The following UBE2D4 variants were observed in gnomAD, a reference collection of about 807,000 sequenced individuals.
The protein encoded by UBE2D4 is ubiquitin-conjugating enzyme E2 D4.
In UBE2D4, 17 loss-of-function variants were observed where a neutral mutation model predicts 23.0. The ratio of observed to expected loss-of-function variants is 0.74; its 90% CI spans 0.51 to 1.11. UBE2D4 has a LOEUF of 1.11. Ranked by LOEUF, UBE2D4 falls within the 50% of genes least tolerant of loss-of-function variation. The probability of loss-of-function intolerance (pLI) is 0.00; values close to 1 mark genes in which losing one functional copy is unlikely to be tolerated. For synonymous variants in UBE2D4, 61 were observed against 69.4 expected (o/e 0.88, Z 0.60); for missense variants, 139 against 181.8 (o/e 0.76, Z 1.35).
intron 1 of UBE2D4, among the ~76,000 whole-genome samples, chr7:43,928,776 GGT>G (rs1038107168): frequency 6.6e-6 from 1 of 152,170 alleles, no homozygotes; most frequent in African/African-American, 2.4e-5. Flanking sequence ...AGTGGATGGT[GGT>G]GTCAGTGTCT....
At chr7:43,932,984 GTATATATATATATATA>G (rs57093593) in intron 1 of UBE2D4, among the ~76,000 whole-genome samples, 4 of 85,794 alleles carry the variant, frequency 4.7e-5, no homozygotes, top group Non-Finnish European at 9.4e-5. Context: ...AAATGTTAAA[GTATATATATATATATA>G]TATATATATA....
intron 1 of UBE2D4, among the ~76,000 whole-genome samples, chr7:43,938,204 C>T (rs558628580): frequency 6.6e-6 from 1 of 152,258 alleles, no homozygotes; most frequent in South Asian, 2.1e-4. Context: ...GTAACTTCAT[C>T]ACTTTACAAT....
intron 1 of UBE2D4, among the ~76,000 whole-genome samples, chr7:43,932,779 C>T (rs1028562623): frequency 2.0e-5 from 3 of 150,142 alleles, no homozygotes; most frequent in Non-Finnish European, 3.0e-5. Context: ...GGTGACAGAG[C>T]GAAATCCTGT....
At chr7:43,937,520 A>G (rs185216912) in intron 1 of UBE2D4, among the ~76,000 whole-genome samples, 9 of 152,340 alleles carry the variant, frequency 5.9e-5, no homozygotes, top group Admixed American at 5.2e-4. Context: ...GGGTTCAGAT[A>G]TATTAGATAC....
intron 5 of UBE2D4, 30 bp from the exon 6 acceptor site, chr7:43,950,569 C>T (rs371802361): frequency 5.0e-6 from 8 of 1,600,106 alleles, no homozygotes; most frequent in Non-Finnish European, 6.9e-6. Flanking sequence ...TTCGTGGCTA[C>T]AGCTGACCAA....
At chr7:43,940,141 T>A (rs1283030434) in intron 2 of UBE2D4, among the ~76,000 whole-genome samples, 1 of 152,204 alleles carries the variant, frequency 6.6e-6, no homozygotes, top group Non-Finnish European at 1.5e-5. Context: ...GGTAGGCAGA[T>A]GGAGCCACTG....
intron 4 of UBE2D4, among the ~76,000 whole-genome samples, chr7:43,948,137 T>C (rs1448250036): frequency 6.6e-6 from 1 of 152,254 alleles, no homozygotes; most frequent in Non-Finnish European, 1.5e-5. Flanking sequence ...TCCCATTCTG[T>C]CGGTTGCCTG....
rs1381512435 is a variant in UBE2D4, at chr7:43,955,727, C to T, written c.*3032C>T. The T allele has an allele frequency of 6.6e-6, 1 of 152,224 alleles. No individual in the cohort carries two copies. The highest frequency in any genetic ancestry group is 1.5e-5 in the Non-Finnish European group (1 of 68,078). 9.4% of individuals were successfully genotyped at this position (152,224 alleles called of 1,614,324 possible). A position where few individuals can be genotyped will look rare whatever the true frequency, so the allele number is the denominator to read the frequency against. On this transcript the variant is annotated 3_prime_UTR_variant, in exon 7 of 7. Coordinates refer to ENST00000222402, the MANE Select transcript of UBE2D4 (RefSeq NM_015983.4). ...GGCAGAGAAGGAACCCTAAGATTAGCATAGAGCCACTCATCTCTCCTCCCC... is the reference window on the plus strand; with the variant it reads ...GGCAGAGAAGGAACCCTAAGATTAGTATAGAGCCACTCATCTCTCCTCCCC...
At position 43,943,023 on chromosome 7, in the gene UBE2D4, C is replaced by T. The variant is rs79518934; in HGVS notation, c.190C>T (p.Pro64Ser). The change falls in exon 4 of 7, where the codon CCC (proline) becomes TCC (serine). Residue 64 changes from proline (P) to serine (S), a missense_variant. By Grantham distance (74) the Pro-to-Ser change is moderately conservative (BLOSUM62 -1). Coordinates refer to ENST00000222402, the MANE Select transcript of UBE2D4 (RefSeq NM_015983.4). ...IHFPTDYPFK[P>S]PKVAFTTKIY... ...CTTTCCTACAGATTACCCGTTCAAGCCCCCAAAGGTGAGGTCCCTCTCCCA... is the reference window on the plus strand; with the variant it reads ...CTTTCCTACAGATTACCCGTTCAAGTCCCCAAAGGTGAGGTCCCTCTCCCA... 1.9e-6 allele frequency: 3 copies of T among 1,614,134 alleles called. No homozygotes were observed. The highest frequency in any genetic ancestry group is 1.6e-4 in the Middle Eastern group (1 of 6,062).
In UBE2D4 at chr7:43,938,436, A is replaced by T; in HGVS notation, c.30A>T (p.Leu10Phe). Residue 10 changes from leucine to phenylalanine, a missense_variant, in exon 2 of 7, where the codon TTA becomes TTT. Transcript: ENST00000222402. MALKRIQKELTDLQRDPPAQ... is the reference protein window; with the variant it reads MALKRIQKEFTDLQRDPPAQ... ...CCCACTCTCTCATGTTCTAGGAATT[A>T]ACCGACTTGCAGAGGGATCCTCCTG... 2 of 1,614,098 alleles carry T rather than the reference A, an allele frequency of 1.2e-6. No homozygotes were observed. The highest frequency in any genetic ancestry group is 1.7e-6 in the Non-Finnish European group (2 of 1,179,982).
At chr7:43,948,187 T>G (rs2095992726) in intron 4 of UBE2D4, among the ~76,000 whole-genome samples, 2 of 152,252 alleles carry the variant, frequency 1.3e-5, no homozygotes, top group African/African-American at 4.8e-5. Flanking sequence ...GCAGAAGCTC[T>G]TTAGTTTAGT....
At chr7:43,938,910 C>T (rs2095964632) in intron 2 of UBE2D4, among the ~76,000 whole-genome samples, 1 of 152,196 alleles carries the variant, frequency 6.6e-6, no homozygotes, top group Admixed American at 6.5e-5. Context: ...AATGCTTTTC[C>T]CTTCATTTTC....
intron 1 of UBE2D4, among the ~76,000 whole-genome samples, chr7:43,931,126 A>G (rs1289073341): frequency 3.9e-5 from 6 of 151,956 alleles, no homozygotes; most frequent in Non-Finnish European, 5.9e-5. Flanking sequence ...GTCTCAAAAA[A>G]AAAAAAAAGA....
At chr7:43,934,804 G>A (rs1416175161) in intron 1 of UBE2D4, among the ~76,000 whole-genome samples, 2 of 152,136 alleles carry the variant, frequency 1.3e-5, no homozygotes, top group African/African-American at 4.8e-5. Context: ...AAAGAAAAAT[G>A]CTGGTCACGT....
chr7:43,939,031 C>T (rs1013155168), intron 2 of UBE2D4, among the ~76,000 whole-genome samples: 5 of 152,250 alleles, frequency 3.3e-5, no homozygotes, highest in African/African-American at 1.2e-4. Flanking sequence ...ATAGTCACCG[C>T]TTCCCTCTTC....
chr7:43,932,744 G>A (rs2095948630), intron 1 of UBE2D4, among the ~76,000 whole-genome samples: 1 of 151,856 alleles, frequency 6.6e-6, no homozygotes, highest in African/African-American at 2.4e-5. Flanking sequence ...AGTGAACCAA[G>A]ATGGCGCCAC....
chr7:43,953,315 G>A lies in UBE2D4; in HGVS notation c.*620G>A. On this transcript the variant is annotated 3_prime_UTR_variant, in exon 7 of 7. Transcript: ENST00000222402. Reference sequence around the variant, plus strand: ...CTCGCCTCACACCAAGAAGCAGCAAGTGGAAAATTTCAGGATACAAAGCAC... The same window carrying A: ...CTCGCCTCACACCAAGAAGCAGCAAATGGAAAATTTCAGGATACAAAGCAC... 2.9e-5 allele frequency: 12 copies of A among 411,868 alleles called. No individual in the cohort carries two copies. The highest frequency in any genetic ancestry group is 2.1e-4 in the South Asian group (12 of 58,322). The allele number at this position is 411,868 out of a possible 1,614,324, so 25.5% of individuals were successfully genotyped here.
chr7:43,936,389 AACT>A (rs1415321140), intron 1 of UBE2D4, among the ~76,000 whole-genome samples: 1 of 152,138 alleles, frequency 6.6e-6, no homozygotes, highest in African/African-American at 2.4e-5. Context: ...TCAATACTTT[AACT>A]TACTTTCTCT....
chr7:43,933,013 T>TACATAC (rs1554295051), intron 1 of UBE2D4, among the ~76,000 whole-genome samples: 2 of 116,648 alleles, frequency 1.7e-5, no homozygotes, highest in Non-Finnish European at 3.5e-5. Flanking sequence ...TATATATATA[T>TACATAC]ACACACACAT....
Sources: gnomAD v4.1 joint callset for allele counts (sites outside exome capture counted in the v4.1 genomes callset) on GRCh38, gnomAD v4.1.1 for gene constraint, MANE v1.5 for transcripts, NCBI Gene and HGNC (gene_info 2026-07-23, HGNC 2026-07-21) for gene names.